Variants in ACOT6 observed in about 807,000 individuals in gnomAD.
The protein encoded by ACOT6 is acyl-CoA thioesterase 6.
In ACOT6, 14 loss-of-function variants were observed where a neutral mutation model predicts 12.3. The observed-to-expected ratio is 1.14, with a 90% confidence interval of 0.75 to 1.78. The LOEUF is 1.78. Ranked by LOEUF, ACOT6 falls within the 40% of genes most tolerant of loss-of-function variation. ACOT6 has a pLI of 0.00. For missense variants in ACOT6, 523 were observed against 551.8 expected (o/e 0.95, Z 0.52); for synonymous variants, 218 against 231.3 (o/e 0.94, Z 0.52).
Position 73,612,954 on chromosome 14 carries a change from A to C in ACOT6, c.383A>C (p.Asp128Ala), listed in dbSNP as rs1487112531. 21 of 1,250,504 alleles carry C rather than the reference A, an allele frequency of 1.7e-5. No homozygotes were observed. The highest frequency in any genetic ancestry group is 2.1e-5 in the Non-Finnish European group (20 of 943,564). 77.5% of individuals were successfully genotyped at this position (1,250,504 alleles called of 1,614,324 possible). A position where few individuals can be genotyped will look rare whatever the true frequency, so the allele number is the denominator to read the frequency against. Residue 128 changes from aspartate to alanine, a missense_variant, in exon 1 of 3, where the codon GAC (aspartate) becomes GCC (alanine). Physicochemically the swap from Asp to Ala is moderately radical, Grantham distance 126. Coordinates refer to ENST00000645972, the MANE Select transcript of ACOT6 (RefSeq NM_001365788.1). ...CTGTGCCTGGCGCAGAACAAGCGCG[A>C]CTTTCTCCGGCCGGGGGTGCGGCGC... is the stretch of plus-strand genomic sequence containing the variant. Reference protein sequence around the residue: ...RLLCLAQNKRDFLRPGVRREP... With the variant: ...RLLCLAQNKRAFLRPGVRREP...
At chr14:73,617,293 CAGGAGATACCA>C in intron 2 of ACOT6, 101 bp downstream of exon 2, 1 of 1,481,918 alleles carries the variant, frequency 6.7e-7, no homozygotes. Flanking sequence ...AGAAACATGC[CAGGAGATACCA>C]AGTCTCCTTC....
In ACOT6 at chr14:73,612,901, C is replaced by T; in HGVS notation, c.330C>T (p.Asp110=). 1.5e-6 allele frequency: 2 copies of T among 1,371,488 alleles called. No individual in the cohort carries two copies. The highest frequency in any genetic ancestry group is 3.0e-5 in the East Asian group (1 of 33,384). 85.0% of individuals were successfully genotyped at this position (1,371,488 alleles called of 1,614,324 possible). A position where few individuals can be genotyped will look rare whatever the true frequency, so the allele number is the denominator to read the frequency against. Residue 110 remains aspartate (D), a synonymous_variant, in exon 1 of 3, where the codon GAC becomes GAT. Transcript: ENST00000645972. ...TPFAVELEVL[D]GHDTEPGRLL... The stretch of plus-strand genomic sequence containing the variant: ...TCGCCGTGGAGCTGGAAGTGCTGGA[C>T]GGCCACGACACCGAGCCCGGGCGGC...
chr14:73,616,798 G>A lies in ACOT6; in HGVS notation c.462-196G>A, dbSNP rs997188840. On this transcript the variant is annotated intron_variant, in intron 1 of 2. Coordinates refer to ENST00000645972, the MANE Select transcript of ACOT6 (RefSeq NM_001365788.1). The stretch of plus-strand genomic sequence containing the variant: ...ACGCTGAGATTTTAGTGCACCTGTC[G>A]CCTGAGTAGTATACATTGTACCCAA... 1.3e-5 allele frequency: 6 copies of A among 461,344 alleles called. No individual in the cohort carries two copies. The South Asian group carries it at 2.2e-4, about 17-fold the overall frequency. The allele number at this position is 461,344 out of a possible 1,614,324, so 28.6% of individuals were successfully genotyped here. A position where few individuals can be genotyped will look rare whatever the true frequency, so the allele number is the denominator to read the frequency against.
chr14:73,610,976 T>G (rs1406620678), upstream of ACOT6: 1 of 152,220 alleles, frequency 6.6e-6, no homozygotes, highest in Non-Finnish European at 1.5e-5. Context: ...CCAGGCAGCA[T>G]TCCTGAGCCT....
At chr14:73,618,324 G>T (rs1257992254) in intron 2 of ACOT6, among the ~76,000 whole-genome samples, 6 of 146,680 alleles carry the variant, frequency 4.1e-5, no homozygotes, top group African/African-American at 1.4e-4. Context: ...CGGCACCCCA[G>T]AATTCTCTGC....
upstream of ACOT6, chr14:73,612,444 C>T (rs943569810): frequency 1.6e-6 from 1 of 611,430 alleles, no homozygotes; most frequent in Admixed American, 4.4e-5. Context: ...GGAGCCTGTC[C>T]CCAAGTCCAA....
At chr14:73,619,003 G>C (rs11626046) in intron 2 of ACOT6, among the ~76,000 whole-genome samples, 1 of 151,772 alleles carries the variant, frequency 6.6e-6, no homozygotes, top group African/African-American at 2.4e-5. Flanking sequence ...GGTGGTGGGC[G>C]CCTGTAATCC....
intron 2 of ACOT6, 30 bp downstream of exon 2, chr14:73,617,222 A>C: frequency 6.2e-7 from 1 of 1,614,144 alleles, no homozygotes; most frequent in East Asian, 2.2e-5. Context: ...TGAGTGCAGA[A>C]GAGAGGGGAT....
upstream of ACOT6, among the ~76,000 whole-genome samples, chr14:73,611,196 G>A (rs941863377): frequency 3.3e-5 from 5 of 152,142 alleles, no homozygotes; most frequent in Non-Finnish European, 7.3e-5. Flanking sequence ...ACTGAGCTGG[G>A]CATCACTATA....
intron 1 of ACOT6, 197 bp from the exon 2 acceptor site, chr14:73,616,797 C>T (rs985699835): frequency 1.3e-4 from 58 of 463,714 alleles, no homozygotes; most frequent in Admixed American, 1.1e-3. Context: ...GTGCACCTGT[C>T]GCCTGAGTAG....
chr14:73,615,420 AAAAC>A (rs1001151014), intron 1 of ACOT6, among the ~76,000 whole-genome samples: 1 of 140,662 alleles, frequency 7.1e-6, no homozygotes, highest in African/African-American at 2.6e-5. Flanking sequence ...AAAAACAAAA[AAAAC>A]CAGCAACAAC....
Position 73,619,405 on chromosome 14 carries a change from G to A in ACOT6, c.832G>A (p.Asp278Asn), listed in dbSNP as rs1890593127. The A allele has an allele frequency of 6.2e-7, 1 of 1,614,130 alleles. No homozygotes were observed. The highest frequency in any genetic ancestry group is 2.2e-5 in the East Asian group (1 of 44,886). Residue 278 changes from aspartate to asparagine, a missense_variant, in exon 3 of 3, where the codon GAT (aspartate) becomes AAT (asparagine). Asp to Asn is a conservative substitution (Grantham distance 23). Coordinates refer to ENST00000645972, the MANE Select transcript of ACOT6 (RefSeq NM_001365788.1). ...KDMIIPKLVD[D>N]LGKVKITKSG... ...TATGATTATTCCTAAACTTGTCGAT[G>A]ATCTAGGAAAAGTAAAAATCACTAA...
rs1371815012 is a variant in ACOT6 at position 73,617,157 on chromosome 14, G to A, written c.625G>A (p.Glu209Lys). ...DLNDVHLEYF[E>K]EAVDFMLQHP... Reference sequence around the variant, plus strand: ...GAATGATGTACATCTGGAGTACTTTGAAGAAGCCGTGGACTTTATGCTGCA... The same window carrying A: ...GAATGATGTACATCTGGAGTACTTTAAAGAAGCCGTGGACTTTATGCTGCA... Residue 209 changes from glutamate (E) to lysine (K), a missense_variant, in exon 2 of 3, where the codon GAA (glutamate) becomes AAA (lysine). Glu to Lys is a moderately conservative substitution (Grantham distance 56). Transcript: ENST00000645972. 9.9e-6 allele frequency: 16 copies of A among 1,614,170 alleles called. No homozygotes were observed. The highest frequency in any genetic ancestry group is 1.3e-5 in the Non-Finnish European group (15 of 1,180,030).
At chr14:73,618,044 G>A (rs1890569995) in intron 2 of ACOT6, among the ~76,000 whole-genome samples, 1 of 152,018 alleles carries the variant, frequency 6.6e-6, no homozygotes, top group Non-Finnish European at 1.5e-5. Context: ...TCGGGAGGCT[G>A]AGGCAGGAGA....
At position 73,612,722 on chromosome 14, in the gene ACOT6, C is replaced by A; in HGVS notation, c.151C>A (p.Arg51Ser). 1.5e-6 allele frequency: 2 copies of A among 1,370,450 alleles called. No individual in the cohort carries two copies. The highest frequency in any genetic ancestry group is 2.6e-4 in the Middle Eastern group (1 of 3,800). The allele number at this position is 1,370,450 out of a possible 1,614,324, so 84.9% of individuals were successfully genotyped here. ...EEGALFRAHA[R>S]YRADARDELD... is the part of the protein sequence containing the mutation. ...GGGCGCGCTCTTCCGGGCCCACGCG[C>A]GCTACCGTGCCGACGCCCGCGACGA... Residue 51 changes from arginine (R) to serine (S), a missense_variant, in exon 1 of 3, where the codon CGC (arginine) becomes AGC (serine). Arg to Ser is a moderately radical substitution (Grantham distance 110, BLOSUM62 -1). Coordinates refer to ENST00000645972, the MANE Select transcript of ACOT6 (RefSeq NM_001365788.1).
At position 73,612,812 on chromosome 14, in the gene ACOT6, C is replaced by A; in HGVS notation, c.241C>A (p.Leu81Met). The change falls in exon 1 of 3, where the codon CTG (leucine) becomes ATG (methionine). Residue 81 changes from leucine (L) to methionine (M), a missense_variant. By Grantham distance (15) the Leu-to-Met change is conservative (BLOSUM62 2). This residue lies in a region of ACOT6 where 304 missense variants were observed against 274.8 expected (regional missense o/e 1.11). Coordinates refer to ENST00000645972, the MANE Select transcript of ACOT6 (RefSeq NM_001365788.1). ...CGCGGGGCTCCAGCCCATGGGGCTG[C>A]TGTGGGCGTTGGAGCCCGAGAAAGC... Reference protein sequence around the residue: ...SFAGLQPMGLLWALEPEKALV... With the variant: ...SFAGLQPMGLMWALEPEKALV... The A allele has an allele frequency of 7.0e-7, 1 of 1,424,630 alleles. No homozygotes were observed. The highest frequency in any genetic ancestry group is 9.3e-7 in the Non-Finnish European group (1 of 1,079,424). 88.2% of individuals were successfully genotyped at this position (1,424,630 alleles called of 1,614,324 possible).
At position 73,614,557 on chromosome 14, in the gene ACOT6, T is replaced by C. The variant is rs143081780; in HGVS notation, c.461+1525T>C. On this transcript the variant is annotated intron_variant, in intron 1 of 2. Coordinates refer to ENST00000645972, the MANE Select transcript of ACOT6 (RefSeq NM_001365788.1). ...GAGTTCAAGACTAGCCTGGCCAACATGGCAAAACCCTACCTCTACTAATTA... is the reference window on the plus strand; with the variant it reads ...GAGTTCAAGACTAGCCTGGCCAACACGGCAAAACCCTACCTCTACTAATTA... Among the ~76,000 whole-genome samples, 332 of 151,222 alleles carry C rather than the reference T, an allele frequency of 2.2e-3. 7 individuals are homozygous for C. Among genetic ancestry groups the C allele is most frequent in the Admixed American group, 0.016 (245 of 15,146 alleles).
intron 2 of ACOT6, among the ~76,000 whole-genome samples, chr14:73,618,057 T>A (rs1890570163): frequency 6.6e-6 from 1 of 151,890 alleles, no homozygotes; most frequent in African/African-American, 2.4e-5. Flanking sequence ...GCAGGAGAAT[T>A]GCTCGAACTC....
Position 73,617,330 on chromosome 14 carries a change from G to A in ACOT6, c.660+138G>A, listed in dbSNP as rs945910179. On this transcript the variant is annotated intron_variant, in intron 2 of 2. Transcript: ENST00000645972. ...AGTCTCCTTCAAAGGTTACTAGGGTGGAAGCTGGGCATGGTGATGTGCACC... is the reference window on the plus strand; with the variant it reads ...AGTCTCCTTCAAAGGTTACTAGGGTAGAAGCTGGGCATGGTGATGTGCACC... 6 of 1,220,078 alleles carry A rather than the reference G, an allele frequency of 4.9e-6. No individual in the cohort carries two copies. The African/African-American group carries it at 7.6e-5, about 15-fold the overall frequency. 75.6% of individuals were successfully genotyped at this position (1,220,078 alleles called of 1,614,324 possible). A position where few individuals can be genotyped will look rare whatever the true frequency, so the allele number is the denominator to read the frequency against.
Sources: gnomAD v4.1 joint callset for allele counts (sites outside exome capture counted in the v4.1 genomes callset) on GRCh38, gnomAD v4.1.1 for gene constraint, gnomAD v4.1.1 regional missense constraint, MANE v1.5 for transcripts, NCBI Gene and HGNC (gene_info 2026-07-23, HGNC 2026-07-21) for gene names.